The following ATAD2B variants were observed in gnomAD, a reference collection of about 807,000 sequenced individuals.
The protein encoded by ATAD2B is ATPase family AAA domain containing 2B.
Under a neutral mutation model 167.6 loss-of-function variants are expected in ATAD2B, and 40 were observed. That is an observed-to-expected ratio of 0.24 (90% CI 0.19 to 0.31). ATAD2B has a LOEUF of 0.31. ATAD2B is among the 10% of genes least tolerant of loss of function. The probability of loss-of-function intolerance (pLI) is 1.00; values close to 1 mark genes in which losing one functional copy is unlikely to be tolerated. For synonymous variants in ATAD2B, 579 were observed against 596.5 expected (o/e 0.97, Z 0.43); for missense variants, 1,242 against 1,757.2 (o/e 0.71, Z 5.24).
At chr2:23,767,183 G>T (rs377386192) in intron 22 of ATAD2B, among the ~76,000 whole-genome samples, 1 of 151,874 alleles carries the variant, frequency 6.6e-6, no homozygotes, top group Non-Finnish European at 1.5e-5. Context: ...GACTCATTCC[G>T]ATTACCTACT....
intron 24 of ATAD2B, among the ~76,000 whole-genome samples, chr2:23,761,654 T>G (rs535684990): frequency 6.6e-6 from 1 of 152,324 alleles, no homozygotes; most frequent in Non-Finnish European, 1.5e-5. Context: ...TTATTAACAT[T>G]TGACTTTTGG....
chr2:23,821,946 G>A (rs183796336), intron 16 of ATAD2B, among the ~76,000 whole-genome samples: 149 of 152,202 alleles, frequency 9.8e-4, no homozygotes, highest in Non-Finnish European at 1.6e-3. Context: ...GTGAGCAACC[G>A]CACCCAGCCA....
At chr2:23,854,895 A>T (rs1435895488) in intron 13 of ATAD2B, among the ~76,000 whole-genome samples, 2 of 152,066 alleles carry the variant, frequency 1.3e-5, no homozygotes, top group African/African-American at 4.8e-5. Flanking sequence ...CTGGAAAAAA[A>T]TTTCAAAACA....
Position 23,810,405 on chromosome 2 carries a change from G to A in ATAD2B, c.2365C>T (p.His789Tyr), listed in dbSNP as rs1170754161. 7 of 1,613,748 alleles carry A rather than the reference G, an allele frequency of 4.3e-6. No homozygotes were observed. The highest frequency in any genetic ancestry group is 2.2e-5 in the South Asian group (2 of 91,080). The change falls in exon 18 of 28, where the codon CAC becomes TAC. Residue 789 changes from histidine (H) to tyrosine (Y), a missense_variant. Around this residue, in one of 9 missense-constraint regions of ATAD2B, gnomAD observed 145 missense variants for 181.9 expected, o/e 0.80. Coordinates refer to ENST00000238789, the MANE Select transcript of ATAD2B (RefSeq NM_017552.4). ...TGCACAGAGAATCTTTCTAGAGTGT[G>A]CAAAAGTGCTGGAGCAAGGTGAGAA... ...QTSHLAPALL[H>Y]TLERFSVHRL...
At chr2:23,863,627 T>TC (rs912764870) in intron 11 of ATAD2B, 72 bp from the exon 12 acceptor site, 3 of 1,298,164 alleles carry the variant, frequency 2.3e-6, no homozygotes, top group Non-Finnish European at 2.1e-6. Flanking sequence ...TTAAAAAATG[T>TC]CCCCCCCTTC....
intron 1 of ATAD2B, among the ~76,000 whole-genome samples, chr2:23,917,194 C>G (rs956113189): frequency 2.6e-5 from 4 of 152,158 alleles, no homozygotes; most frequent in African/African-American, 9.6e-5. Context: ...AATGAACGAA[C>G]AAAGGAACAA....
At chr2:23,715,970 A>G in the ATAD2B span, among the ~76,000 whole-genome samples, 1 of 152,224 alleles carries the variant, frequency 6.6e-6, no homozygotes, top group East Asian at 1.9e-4. Context: ...ACTAAGTATA[A>G]TGTTACTGTG....
At chr2:23,867,992 AT>A in intron 9 of ATAD2B, 46 bp from the exon 10 acceptor site, 2 of 1,260,312 alleles carry the variant, frequency 1.6e-6, no homozygotes, top group Non-Finnish European at 2.3e-6. Context: ...AAAGTTTCAC[AT>A]TTTTAATGTC....
chr2:23,729,653 G>C, the ATAD2B span, among the ~76,000 whole-genome samples: 3 of 151,908 alleles, frequency 2.0e-5, no homozygotes, highest in Admixed American at 1.3e-4. Flanking sequence ...TTTGACTTTT[G>C]ACACATACAT....
intron 1 of ATAD2B, among the ~76,000 whole-genome samples, chr2:23,913,217 C>T (rs552716819): frequency 6.6e-6 from 1 of 152,318 alleles, no homozygotes; most frequent in East Asian, 1.9e-4. Flanking sequence ...AGCATCCAAT[C>T]CTACAAAAGA....
At chr2:23,686,524 A>T in the ATAD2B span, among the ~76,000 whole-genome samples, 1 of 152,140 alleles carries the variant, frequency 6.6e-6, no homozygotes, top group East Asian at 1.9e-4. Context: ...GGATGGGCAG[A>T]GGATGGGCAG....
chr2:23,787,677 G>A (rs978580023), intron 20 of ATAD2B, among the ~76,000 whole-genome samples: 6 of 152,012 alleles, frequency 3.9e-5, no homozygotes, highest in Non-Finnish European at 7.4e-5. Context: ...GGACTTGGCA[G>A]GGATGGGAAA....
chr2:23,925,138 A>G (rs914050271), intron 1 of ATAD2B, among the ~76,000 whole-genome samples: 1 of 152,198 alleles, frequency 6.6e-6, no homozygotes, highest in Admixed American at 6.5e-5. Flanking sequence ...AGAAGCTTGA[A>G]CATGTTTGGA....
chr2:23,820,934 G>C (rs1275821971), intron 16 of ATAD2B, among the ~76,000 whole-genome samples: 1 of 152,020 alleles, frequency 6.6e-6, no homozygotes, highest in African/African-American at 2.4e-5. Flanking sequence ...TGGTGACAGA[G>C]CCAGACTCCG....
chr2:23,879,823 G>C lies in ATAD2B; in HGVS notation c.901+816C>G, dbSNP rs190291848. Among the ~76,000 whole-genome samples, 212 of 152,170 alleles carry C rather than the reference G, an allele frequency of 1.4e-3. 1 individual carries two copies. The highest frequency in any genetic ancestry group is 1.5e-3 in the South Asian group (7 of 4,824). On this transcript the variant is annotated intron_variant, in intron 7 of 27. Transcript: ENST00000238789. Reference sequence around the variant, plus strand: ...TAATTCCAGCACTTTGGGAGGCCAAGGTGGGCCAATCACCTGAGGTCAGGA... The same window carrying C: ...TAATTCCAGCACTTTGGGAGGCCAACGTGGGCCAATCACCTGAGGTCAGGA...
chr2:23,864,798 A>G lies in ATAD2B; in HGVS notation c.1304+11T>C. 2.3e-6 allele frequency: 3 copies of G among 1,311,936 alleles called. No individual in the cohort carries two copies. Among genetic ancestry groups the G allele is most frequent in the South Asian group, 1.4e-5 (1 of 74,034 alleles). The allele number at this position is 1,311,936 out of a possible 1,614,324, so 81.3% of individuals were successfully genotyped here. ...GTAATAACAATAATAAACATCTATG[A>G]CATTGCTTACCTTGGAGGCTGAATT... On this transcript the variant is annotated intron_variant, in intron 11 of 27. Transcript: ENST00000238789.
At chr2:23,767,519 G>C (rs544559249) in intron 22 of ATAD2B, among the ~76,000 whole-genome samples, 57 of 152,280 alleles carry the variant, frequency 3.7e-4, no homozygotes, top group Non-Finnish European at 6.8e-4. Flanking sequence ...TATAACAGTA[G>C]TCAGAACATA....
At chr2:23,704,716 G>A in the ATAD2B span, among the ~76,000 whole-genome samples, 12 of 152,190 alleles carry the variant, frequency 7.9e-5, no homozygotes, top group Admixed American at 6.5e-4. Context: ...GCAGTGAGCC[G>A]AGATCGCGCC....
the ATAD2B span, among the ~76,000 whole-genome samples, chr2:23,720,535 C>T: frequency 9.4e-3 from 1,276 of 136,386 alleles, 10 homozygotes; most frequent in East Asian, 9.9e-3. Context: ...TAAGAGATTG[C>T]GCCACTGCAC....
Sources: allele counts gnomAD v4.1 joint callset (sites outside exome capture counted in the v4.1 genomes callset), GRCh38; gene constraint gnomAD v4.1.1; regional missense constraint gnomAD v4.1.1; transcripts MANE v1.5; gene names NCBI Gene and HGNC (gene_info 2026-07-23, HGNC 2026-07-21).